The following NOTCH1 variants were observed in gnomAD, a reference collection of about 807,000 sequenced individuals.
The protein encoded by NOTCH1 is notch receptor 1.
A neutral mutation model predicts 254.8 loss-of-function variants in NOTCH1; 37 were observed. The observed-to-expected ratio is 0.15, with a 90% CI of 0.11 to 0.19. The LOEUF is 0.19. Among genes scored for constraint, NOTCH1 ranks in the 10% least tolerant of loss-of-function variants. NOTCH1 has a pLI of 1.00. For synonymous variants in NOTCH1, 1,731 were observed against 1,618.1 expected, an observed-to-expected ratio of 1.07 and a Z score of -1.68; for missense variants, 2,972 against 3,708.6, an observed-to-expected ratio of 0.80 and a Z score of 5.16.
rs768074148 is a variant in NOTCH1 at position 136,499,270 on chromosome 9, G to A, written c.5935-11C>T. ...GTTCCGGATCAGGATCTGGGCAACA[G>A]GGAGAGGCTCAGGCGGGTGCTGGGC... On this transcript the variant is annotated splice_polypyrimidine_tract_variant and intron_variant, in intron 31 of 33. Transcript: ENST00000651671. 8.7e-6 allele frequency: 14 copies of A among 1,612,006 alleles called. No individual in the cohort carries two copies. In the East Asian group the frequency reaches 2.5e-4, roughly 28 times the overall value.
Position 136,496,818 on chromosome 9 carries a change from T to C in NOTCH1, c.6921A>G (p.Gln2307=), listed in dbSNP as rs1361904973. The C allele has an allele frequency of 4.3e-6, 7 of 1,612,826 alleles. No individual in the cohort carries two copies. The African/African-American group carries it at 5.3e-5, about 12-fold the overall frequency. Residue 2307 remains glutamine (Q), a synonymous_variant, in exon 34 of 34, where the codon CAA becomes CAG. Coordinates refer to ENST00000651671, the MANE Select transcript of NOTCH1 (RefSeq NM_017617.5). ...TVGGSTSLNG[Q]CEWLSRLQSG... is the part of the protein sequence containing the mutation. ...TCTGCAGCCGGGACAGCCACTCGCA[T>C]TGACCATTCAAACTGGTGGACCCGC...
chr9:136,532,309 C>A (rs888854924), intron 2 of NOTCH1, among the ~76,000 whole-genome samples: 1 of 152,244 alleles, frequency 6.6e-6, no homozygotes, highest in African/African-American at 2.4e-5. Context: ...CTCCAAGGCA[C>A]TGAATAATGC....
Position 136,515,543 on chromosome 9 carries a change from C to A in NOTCH1, c.1843G>T (p.Gly615Trp), listed in dbSNP as rs764942073. 1.2e-6 allele frequency: 2 copies of A among 1,611,708 alleles called. No individual in the cohort carries two copies. Among genetic ancestry groups the A allele is most frequent in the Non-Finnish European group, 1.7e-6 (2 of 1,179,856 alleles). Residue 615 changes from glycine to tryptophan, a missense_variant, in exon 11 of 34, where the codon GGG becomes TGG. Around this residue, in one of 8 missense-constraint regions of NOTCH1, gnomAD observed 1,343 missense variants for 1,557.0 expected, o/e 0.86. Coordinates refer to ENST00000651671, the MANE Select transcript of NOTCH1 (RefSeq NM_017617.5). The part of the protein sequence containing the change: ...NECSSQPCRH[G>W]GTCQDRDNAY... ...TTGTCGCGGTCCTGGCAGGTGCCCC[C>A]GTGGCGGCAGGGCTGGCTGGAGCAC...
At chr9:136,542,348 G>A (rs569028376) in intron 2 of NOTCH1, among the ~76,000 whole-genome samples, 1 of 152,258 alleles carries the variant, frequency 6.6e-6, no homozygotes, top group African/African-American at 2.4e-5. Flanking sequence ...AGCCGGGAGC[G>A]CAGTGGCGGG....
At position 136,497,055 on chromosome 9, in the gene NOTCH1, G is replaced by A. The variant is rs369358839; in HGVS notation, c.6684C>T (p.Ser2228=). ...LLPSPFQQSP[S]VPLNHLPGMP... Reference sequence around the variant, plus strand: ...TCCCAGGCAGGTGGTTGAGGGGCACGGACGGAGACTGCTGGAACGGGGAGG... The same window carrying A: ...TCCCAGGCAGGTGGTTGAGGGGCACAGACGGAGACTGCTGGAACGGGGAGG... Residue 2228 remains serine (S), a synonymous_variant, in exon 34 of 34, where the codon TCC becomes TCT. Coordinates refer to ENST00000651671, the MANE Select transcript of NOTCH1 (RefSeq NM_017617.5). 1.6e-5 allele frequency: 25 copies of A among 1,609,270 alleles called. No individual in the cohort carries two copies. The highest frequency in any genetic ancestry group is 1.6e-4 in the Middle Eastern group (1 of 6,068).
intron 9 of NOTCH1, among the ~76,000 whole-genome samples, chr9:136,516,528 C>G (rs146240760): frequency 5.3e-5 from 8 of 152,234 alleles, no homozygotes; most frequent in Non-Finnish European, 1.0e-4. Context: ...AAGTCCGCCC[C>G]GGGCAGCCAT....
chr9:136,545,117 T>C lies in NOTCH1; in HGVS notation c.61+609A>G, dbSNP rs1843794433. 6.6e-6 allele frequency among the ~76,000 whole-genome samples: 1 copy of C among 151,738 alleles called. No homozygotes were observed. Among genetic ancestry groups the C allele is most frequent in the South Asian group, 2.1e-4 (1 of 4,792 alleles). On this transcript the variant is annotated intron_variant, in intron 1 of 33. Transcript: ENST00000651671. This position sits in a 1 kb window ranked among gnomAD's most constrained non-coding sequence, Gnocchi z 6.8. ...CAACTCCGCAAAGCAAAAGGAAAGT[T>C]CAGTCCCCCCGGGCGCGGCGGCTTC... is the stretch of plus-strand genomic sequence containing the variant.
intron 2 of NOTCH1, chr9:136,543,706 C>T: frequency 2.0e-6 from 1 of 500,228 alleles, no homozygotes; most frequent in Non-Finnish European, 3.7e-6. Context: ...CCAGAGCTTC[C>T]CCTGGCAGAT....
Position 136,505,779 on chromosome 9 carries a change from G to C in NOTCH1, c.4117C>G (p.Leu1373Val), listed in dbSNP as rs2133340821. 1 of 1,585,074 alleles carries C rather than the reference G, an allele frequency of 6.3e-7. No homozygotes were observed. Among genetic ancestry groups the C allele is most frequent in the African/African-American group, 1.3e-5 (1 of 74,396 alleles). ...GGGCCCGTGAAGGGGCCCAGGCACA[G>C]GCAGGTGGGGCTGCGCGGGCCGGAG... ...CISGPRSPTCLCLGPFTGPEC... is the reference protein window; with the variant it reads ...CISGPRSPTCVCLGPFTGPEC... The change falls in exon 25 of 34, where the codon CTG becomes GTG. Residue 1373 changes from leucine to valine, a missense_variant. Leu to Val is a conservative substitution (Grantham distance 32). Transcript: ENST00000651671.
At chr9:136,518,021 G>C (rs2133369421) in intron 7 of NOTCH1, 84 bp from the exon 8 acceptor site, 1 of 1,571,560 alleles carries the variant, frequency 6.4e-7, no homozygotes, top group Non-Finnish European at 8.6e-7. Flanking sequence ...CATCGGACTG[G>C]CAGGGTCCCA....
At chr9:136,520,219 C>T (rs11574880) in intron 4 of NOTCH1, among the ~76,000 whole-genome samples, 1 of 152,186 alleles carries the variant, frequency 6.6e-6, no homozygotes, top group Non-Finnish European at 1.5e-5. Flanking sequence ...AAGGCGCGTT[C>T]GGCAACAGCC....
rs1483831151 is a variant in NOTCH1, at chr9:136,545,229, G to A, written c.61+497C>T. On this transcript the variant is annotated intron_variant, in intron 1 of 33. Transcript: ENST00000651671. This position sits in a 1 kb window ranked among gnomAD's most constrained non-coding sequence, Gnocchi z 6.8. ...GGGAGCCCGGGGACCCAGCCCGGCC[G>A]CGCGGGTCAGTGAAGGCGAACGCGG... Among the ~76,000 whole-genome samples the A allele has an allele frequency of 6.6e-6, 1 of 152,090 alleles. No individual in the cohort carries two copies. The highest frequency in any genetic ancestry group is 2.4e-5 in the African/African-American group (1 of 41,412).
At position 136,515,275 on chromosome 9, in the gene NOTCH1, T is replaced by A. The variant is rs2133362239; in HGVS notation, c.2014+15A>T. 1 of 1,610,752 alleles carries A rather than the reference T, an allele frequency of 6.2e-7. No individual in the cohort carries two copies. The highest frequency in any genetic ancestry group is 8.5e-7 in the Non-Finnish European group (1 of 1,178,228). On this transcript the variant is annotated intron_variant, in intron 12 of 33. Coordinates refer to ENST00000651671, the MANE Select transcript of NOTCH1 (RefSeq NM_017617.5). ...GAGCACAGTGCAGTCAGCCCCCACG[T>A]GCAGGGCCGCTCACCTGTGTAGCCC...
intron 2 of NOTCH1, among the ~76,000 whole-genome samples, chr9:136,524,312 AAAG>A (rs1361263865): frequency 1.2e-4 from 19 of 152,290 alleles, no homozygotes; most frequent in South Asian, 1.2e-3. Context: ...AAAAAGAAAG[AAAG>A]AAGAAGACAA....
intron 9 of NOTCH1, among the ~76,000 whole-genome samples, chr9:136,516,590 C>A (rs1003813794): frequency 5.3e-5 from 8 of 152,248 alleles, no homozygotes; most frequent in African/African-American, 1.7e-4. Flanking sequence ...ATACCCTTGT[C>A]GCTGGCGTGC....
At chr9:136,528,840 G>T (rs906401236) in intron 2 of NOTCH1, among the ~76,000 whole-genome samples, 2 of 152,092 alleles carry the variant, frequency 1.3e-5, no homozygotes, top group African/African-American at 4.8e-5. Context: ...ATAAATGGGG[G>T]TCTTCTCCCC....
In NOTCH1 at chr9:136,502,239, G is replaced by A. The variant is rs763844406; in HGVS notation, c.5384+33C>T. ...GCTCGGCCAGGTCCCACCTCCCACCGGGGACCCAGAAGCAGGGGCGGCGTC... is the reference window on the plus strand; with the variant it reads ...GCTCGGCCAGGTCCCACCTCCCACCAGGGACCCAGAAGCAGGGGCGGCGTC... On this transcript the variant is annotated intron_variant, in intron 28 of 33. Coordinates refer to ENST00000651671, the MANE Select transcript of NOTCH1 (RefSeq NM_017617.5). The A allele has an allele frequency of 7.8e-5, 111 of 1,426,532 alleles. No homozygotes were observed. The Admixed American group carries it at 8.9e-4, about 11-fold the overall frequency. The allele number at this position is 1,426,532 out of a possible 1,614,324, so 88.4% of individuals were successfully genotyped here.
At chr9:136,512,995 C>CCACATA in intron 15 of NOTCH1, 26 bp downstream of exon 15, 1 of 1,080,476 alleles carries the variant, frequency 9.3e-7, no homozygotes, top group Non-Finnish European at 1.4e-6. Flanking sequence ...CCGCCCCCTC[C>CCACATA]AGCACAGGCC....
intron 27 of NOTCH1, chr9:136,502,733 G>A (rs1306344620): frequency 3.5e-6 from 2 of 573,982 alleles, no homozygotes; most frequent in Non-Finnish European, 6.2e-6. Flanking sequence ...CTCCTTTAAG[G>A]AAGGAGGATT....
Sources: gnomAD v4.1 joint callset for allele counts (sites outside exome capture counted in the v4.1 genomes callset) on GRCh38, gnomAD v4.1.1 for gene constraint, gnomAD v4.1.1 regional missense constraint, Gnocchi (gnomAD v3.1) non-coding constraint, MANE v1.5 for transcripts, NCBI Gene and HGNC (gene_info 2026-07-23, HGNC 2026-07-21) for gene names.